The following IL19 variants were observed in gnomAD, a reference collection of about 807,000 sequenced individuals.
IL19 encodes interleukin-19.
IL19 carries 15 observed loss-of-function variants against 19.5 expected under a neutral mutation model. The ratio of observed to expected loss-of-function variants is 0.77; its 90% CI spans 0.52 to 1.19. IL19 has a LOEUF of 1.19. IL19 is among the 50% of genes most tolerant of loss of function. The pLI is 0.00. For missense variants in IL19, 199 were observed against 213.1 expected (o/e 0.93, Z 0.41); for synonymous variants, 78 against 78.3 (o/e 1.00, Z 0.02).
chr1:206,779,487 C>A (rs143719782), intron 1 of IL19, among the ~76,000 whole-genome samples: 3 of 152,280 alleles, frequency 2.0e-5, no homozygotes, highest in African/African-American at 7.2e-5. Flanking sequence ...CCCCCATGGC[C>A]TAGTGTTGGG....
chr1:206,831,536 T>C (rs1257420048), intron 2 of IL19, among the ~76,000 whole-genome samples: 1 of 152,232 alleles, frequency 6.6e-6, no homozygotes, highest in Non-Finnish European at 1.5e-5. Flanking sequence ...TTTCTTATTG[T>C]TCCCCCTTCT....
intron 2 of IL19, among the ~76,000 whole-genome samples, chr1:206,817,365 A>G (rs1676183481): frequency 1.3e-5 from 2 of 152,218 alleles, no homozygotes; most frequent in South Asian, 2.1e-4. Flanking sequence ...GACAGATTTG[A>G]GCTTGACACT....
Position 206,787,688 on chromosome 1 carries a change from GA to G in IL19, c.-148-11172del, listed in dbSNP as rs1314399925. On this transcript the variant is annotated intron_variant, in intron 1 of 6. Transcript: ENST00000659997. ...TTCTCCTGCTTTACAGAGGATCAAA[GA>G]GATTTGTCAATAGGTTGAAATACTT... 2.6e-5 allele frequency among the ~76,000 whole-genome samples: 4 copies of G among 152,214 alleles called. No homozygotes were observed. The East Asian group carries it at 7.7e-4, about 29-fold the overall frequency.
chr1:206,781,414 CAAAAAAAAAAAAAAAA>C (rs57060549), intron 1 of IL19, among the ~76,000 whole-genome samples: 2 of 43,028 alleles, frequency 4.6e-5, no homozygotes, highest in African/African-American at 1.8e-4. Context: ...GACTCTGTCT[CAAAAAAAAAAAAAAAA>C]AAAAAAAAGA....
chr1:206,777,188 G>C (rs574008773), intron 1 of IL19, among the ~76,000 whole-genome samples: 2 of 132,908 alleles, frequency 1.5e-5, no homozygotes, highest in African/African-American at 2.8e-5. Flanking sequence ...CCGAGATCGC[G>C]TCACTGCACT....
chr1:206,803,593 G>A (rs74148800), intron 2 of IL19, among the ~76,000 whole-genome samples: 1 of 152,184 alleles, frequency 6.6e-6, no homozygotes, highest in Non-Finnish European at 1.5e-5. Flanking sequence ...TGATCCTACA[G>A]AGCATGGCTG....
chr1:206,790,052 C>T (rs1173212091), intron 1 of IL19, among the ~76,000 whole-genome samples: 1 of 152,096 alleles, frequency 6.6e-6, no homozygotes, highest in Non-Finnish European at 1.5e-5. Context: ...AGTAGATACC[C>T]AGTAGTGGGA....
chr1:206,796,918 T>C (rs1675537779), intron 1 of IL19, among the ~76,000 whole-genome samples: 1 of 152,222 alleles, frequency 6.6e-6, no homozygotes, highest in African/African-American at 2.4e-5. Flanking sequence ...TTGTCTGGAT[T>C]CTCACCCTTT....
At chr1:206,801,588 G>T (rs1300157336) in intron 2 of IL19, among the ~76,000 whole-genome samples, 1 of 152,116 alleles carries the variant, frequency 6.6e-6, no homozygotes, top group African/African-American at 2.4e-5. Flanking sequence ...TTATCCTTCC[G>T]GTCAAAGTTC....
At chr1:206,832,439 T>A (rs931605950) in intron 2 of IL19, among the ~76,000 whole-genome samples, 2 of 152,102 alleles carry the variant, frequency 1.3e-5, no homozygotes, top group African/African-American at 4.8e-5. Flanking sequence ...GGAACCTCAT[T>A]CCCATAGAAG....
At chr1:206,820,667 A>C (rs1463123084) in intron 2 of IL19, among the ~76,000 whole-genome samples, 1 of 152,234 alleles carries the variant, frequency 6.6e-6, no homozygotes, top group African/African-American at 2.4e-5. Flanking sequence ...AAATGTGGAC[A>C]TGGCTGGGTG....
intron 1 of IL19, among the ~76,000 whole-genome samples, chr1:206,781,918 T>A (rs550930344): frequency 9.4e-6 from 1 of 106,886 alleles, no homozygotes; most frequent in South Asian, 2.7e-4. Flanking sequence ...TATATGTATA[T>A]AGTTATATAT....
chr1:206,838,723 T>C (rs1431466251), intron 4 of IL19, among the ~76,000 whole-genome samples: 2 of 149,264 alleles, frequency 1.3e-5, no homozygotes, highest in African/African-American at 2.5e-5. Flanking sequence ...AGGATTCAGG[T>C]TCCTTCCCTT....
intron 2 of IL19, among the ~76,000 whole-genome samples, chr1:206,805,531 AAC>A (rs1675827410): frequency 6.6e-6 from 1 of 152,288 alleles, no homozygotes; most frequent in Non-Finnish European, 1.5e-5. Flanking sequence ...CAGGCTGGAA[AAC>A]ACAGTTATTG....
chr1:206,818,481 A>C (rs970187840), intron 2 of IL19, among the ~76,000 whole-genome samples: 4 of 152,244 alleles, frequency 2.6e-5, no homozygotes, highest in African/African-American at 9.6e-5. Flanking sequence ...ATATACTAGA[A>C]AACCCAAATT....
chr1:206,785,827 C>T (rs1037042795), intron 1 of IL19, among the ~76,000 whole-genome samples: 1 of 152,226 alleles, frequency 6.6e-6, no homozygotes, highest in Non-Finnish European at 1.5e-5. Context: ...GCTTTGTAGG[C>T]TGTGAATGAA....
chr1:206,793,280 T>C (rs535183171), intron 1 of IL19, among the ~76,000 whole-genome samples: 1 of 152,290 alleles, frequency 6.6e-6, no homozygotes, highest in East Asian at 1.9e-4. Flanking sequence ...GGGGTAACAG[T>C]TTTAAAAATA....
At chr1:206,802,328 G>C (rs547454263) in intron 2 of IL19, among the ~76,000 whole-genome samples, 4 of 152,120 alleles carry the variant, frequency 2.6e-5, no homozygotes, top group Non-Finnish European at 4.4e-5. Context: ...GAGAGGAAAG[G>C]TGTACATGAC....
At chr1:206,794,729 C>T (rs901554092) in intron 1 of IL19, among the ~76,000 whole-genome samples, 1 of 151,980 alleles carries the variant, frequency 6.6e-6, no homozygotes, top group Non-Finnish European at 1.5e-5. Flanking sequence ...GGAAAGTTAC[C>T]CAAAGTAATG....
Sources: allele counts gnomAD v4.1 joint callset (sites outside exome capture counted in the v4.1 genomes callset), GRCh38; gene constraint gnomAD v4.1.1; transcripts MANE v1.5; gene names NCBI Gene and HGNC (gene_info 2026-07-23, HGNC 2026-07-21).